The following PLAGL2 variants were observed in gnomAD, a reference collection of about 807,000 sequenced individuals.
PLAGL2 encodes PLAG1 like zinc finger 2, also known as zinc finger protein PLAGL2.
In PLAGL2, 7 loss-of-function variants were observed where a neutral mutation model predicts 29.0. That is an observed-to-expected ratio of 0.24 (90% CI 0.14 to 0.45). The LOEUF (loss-of-function observed/expected upper bound fraction) is 0.45, where lower values mean the gene tolerates loss of function less well. Ranked by LOEUF, PLAGL2 falls within the 20% of genes least tolerant of loss-of-function variation. The pLI is 0.99. For missense variants in PLAGL2, 454 were observed against 648.2 expected (o/e 0.70, Z 3.25); for synonymous variants, 234 against 266.0 (o/e 0.88, Z 1.17).
At chr20:32,200,077 C>A (rs1392184409) in intron 2 of PLAGL2, among the ~76,000 whole-genome samples, 1 of 152,122 alleles carries the variant, frequency 6.6e-6, no homozygotes, top group African/African-American at 2.4e-5. Context: ...ACTGTCTGTA[C>A]CCACTATTAA....
At chr20:32,200,441 T>A (rs1294454567) in intron 2 of PLAGL2, among the ~76,000 whole-genome samples, 3 of 152,036 alleles carry the variant, frequency 2.0e-5, no homozygotes, top group African/African-American at 7.2e-5. Flanking sequence ...GGTTTCACCG[T>A]GGTCTCGATC....
intron 2 of PLAGL2, among the ~76,000 whole-genome samples, chr20:32,200,926 C>CACCAAAGCA (rs2047256353): frequency 6.6e-6 from 1 of 152,186 alleles, no homozygotes; most frequent in Non-Finnish European, 1.5e-5. Context: ...TCCCCATCCT[C>CACCAAAGCA]ACCAAAGCAA....
In PLAGL2 at chr20:32,197,249, C is replaced by A; in HGVS notation, c.694G>T (p.Asp232Tyr). ...QYCAQRFGRK[D>Y]HLTRHVKKSH... ...TTCTTGACATGACGCGTCAGGTGGTCCTTACGGCCAAACCGCTGGGCACAG... is the reference window on the plus strand; with the variant it reads ...TTCTTGACATGACGCGTCAGGTGGTACTTACGGCCAAACCGCTGGGCACAG... Residue 232 changes from aspartate to tyrosine, a missense_variant, in exon 3 of 3, where the codon GAC becomes TAC. Asp to Tyr is a radical substitution (Grantham distance 160). Coordinates refer to ENST00000246229, the MANE Select transcript of PLAGL2 (RefSeq NM_002657.3). The surrounding 1 kb of genome is among the most constrained non-coding windows in gnomAD (Gnocchi z 6.6). 1 of 1,614,014 alleles carries A rather than the reference C, an allele frequency of 6.2e-7. No individual in the cohort carries two copies. The highest frequency in any genetic ancestry group is 1.1e-5 in the South Asian group (1 of 91,026).
rs1409824059 is a variant in PLAGL2, at chr20:32,197,697, A to G, written c.261-15T>C. 6.2e-7 allele frequency: 1 copy of G among 1,604,780 alleles called. No individual in the cohort carries two copies. Among genetic ancestry groups the G allele is most frequent in the African/African-American group, 1.3e-5 (1 of 74,690 alleles). Reference sequence around the variant, plus strand: ...TGGCCATGTGCCTGGGGGTAGAGACAGGGGATAGGGGAGAAAGCAGAAAGA... The same window carrying G: ...TGGCCATGTGCCTGGGGGTAGAGACGGGGGATAGGGGAGAAAGCAGAAAGA... On this transcript the variant is annotated splice_polypyrimidine_tract_variant and intron_variant, in intron 2 of 2. Transcript: ENST00000246229. The surrounding 1 kb of genome is among the most constrained non-coding windows in gnomAD (Gnocchi z 6.6).
Position 32,196,935 on chromosome 20 carries a change from A to G in PLAGL2, c.1008T>C (p.Ala336=), listed in dbSNP as rs750597883. The part of the protein sequence containing the change: ...PLESSPISSP[A]QLPPKYQLGS... ...CAAGCTGGTATTTTGGAGGGAGCTG[A>G]GCTGGGGAAGAGATAGGTGAGGATT... The change falls in exon 3 of 3, where the codon GCT becomes GCC. Residue 336 remains alanine, a synonymous_variant. Transcript: ENST00000246229. The G allele has an allele frequency of 6.2e-7, 1 of 1,614,228 alleles. No individual in the cohort carries two copies.
At chr20:32,203,461 T>C (rs536927287) in intron 1 of PLAGL2, among the ~76,000 whole-genome samples, 2 of 152,320 alleles carry the variant, frequency 1.3e-5, no homozygotes, top group Admixed American at 6.5e-5. Flanking sequence ...GAGACCCACA[T>C]TCATACTCCC....
chr20:32,204,064 T>C (rs1311980482), intron 1 of PLAGL2, among the ~76,000 whole-genome samples: 2 of 152,320 alleles, frequency 1.3e-5, no homozygotes, highest in African/African-American at 4.8e-5. Flanking sequence ...AAGGGTGGAA[T>C]TACCTGTTTG....
At position 32,194,966 on chromosome 20, in the gene PLAGL2, G is replaced by A. The variant is rs925280115; in HGVS notation, c.*1486C>T. The stretch of plus-strand genomic sequence containing the variant: ...CAAGGATGGGGTTCCTGGGCTCCAG[G>A]CAAGGGCTGTGCTCTCTGCAGCAGG... On this transcript the variant is annotated 3_prime_UTR_variant, in exon 3 of 3. Coordinates refer to ENST00000246229, the MANE Select transcript of PLAGL2 (RefSeq NM_002657.3). The A allele has an allele frequency of 1.3e-5, 2 of 152,362 alleles. No individual in the cohort carries two copies. Among genetic ancestry groups the A allele is most frequent in the Admixed American group, 1.3e-4 (2 of 15,252 alleles). 9.4% of individuals were successfully genotyped at this position (152,362 alleles called of 1,614,324 possible).
At chr20:32,204,736 A>T (rs746721226) in intron 1 of PLAGL2, among the ~76,000 whole-genome samples, 1 of 152,254 alleles carries the variant, frequency 6.6e-6, no homozygotes, top group Admixed American at 6.5e-5. Context: ...TTTGTCTTAC[A>T]TAAGCAGAAG....
intron 1 of PLAGL2, among the ~76,000 whole-genome samples, chr20:32,205,078 G>T (rs1192456268): frequency 6.6e-6 from 1 of 152,044 alleles, no homozygotes; most frequent in Non-Finnish European, 1.5e-5. Context: ...CTAAAATACG[G>T]ATTTATTTTC....
Position 32,197,388 on chromosome 20 carries a change from A to G in PLAGL2, c.555T>C (p.Gly185=). Residue 185 remains glycine (G), a synonymous_variant, in exon 3 of 3, where the codon GGT becomes GGC. Transcript: ENST00000246229. This position sits in a 1 kb window ranked among gnomAD's most constrained non-coding sequence, Gnocchi z 6.6. ...CACAGGGGTGCTTCTTCTCCTTGGC[A>G]CCGCCTGCTACCCGGCGTGAGTGGG... The part of the protein sequence containing the change: ...LKAHSRRVAG[G]AKEKKHPCDH... The G allele has an allele frequency of 6.2e-7, 1 of 1,610,948 alleles. No homozygotes were observed. Among genetic ancestry groups the G allele is most frequent in the Non-Finnish European group, 8.5e-7 (1 of 1,179,330 alleles).
Position 32,195,663 on chromosome 20 carries a change from A to T in PLAGL2, c.*789T>A, listed in dbSNP as rs895472895. On this transcript the variant is annotated 3_prime_UTR_variant, in exon 3 of 3. Transcript: ENST00000246229. The stretch of plus-strand genomic sequence containing the variant: ...TATTTCCCCACGGGGGAAAAATGTG[A>T]CCTCAAATGAAGAGAAGTCAGCAAG... 8.5e-5 allele frequency: 13 copies of T among 152,690 alleles called. No homozygotes were observed. The highest frequency in any genetic ancestry group is 5.9e-4 in the Admixed American group (9 of 15,294). The allele number at this position is 152,690 out of a possible 1,614,324, so 9.5% of individuals were successfully genotyped here.
In PLAGL2 at chr20:32,202,246, GCT is replaced by G; in HGVS notation, c.-70_-69del. On this transcript the variant is annotated 5_prime_UTR_variant, in exon 2 of 3. Coordinates refer to ENST00000246229, the MANE Select transcript of PLAGL2 (RefSeq NM_002657.3). Reference sequence around the variant, plus strand: ...CCCATCCGCTCCACACAGGCTCTCAGCTCTGTCACAGCCTCCAACGCAGCTTT... The same window carrying G: ...CCCATCCGCTCCACACAGGCTCTCAGCTGTCACAGCCTCCAACGCAGCTTT... 1 of 1,520,694 alleles carries G rather than the reference GCT, an allele frequency of 6.6e-7. No homozygotes were observed. The highest frequency in any genetic ancestry group is 9.0e-7 in the Non-Finnish European group (1 of 1,105,364). The allele number at this position is 1,520,694 out of a possible 1,614,324, so 94.2% of individuals were successfully genotyped here.
chr20:32,196,852 G>C lies in PLAGL2; in HGVS notation c.1091C>G (p.Ala364Gly). ...LPKVEVDSFL[A>G]ELPGSLSLSS... ...GAGAGACAGGCTTCCAGGAAGCTCCGCCAGAAAACTATCCACCTCCACTTT... is the reference window on the plus strand; with the variant it reads ...GAGAGACAGGCTTCCAGGAAGCTCCCCCAGAAAACTATCCACCTCCACTTT... The change falls in exon 3 of 3, where the codon GCG becomes GGG. Residue 364 changes from alanine to glycine, a missense_variant. This residue lies in a region of PLAGL2 where 247 missense variants were observed against 350.3 expected (regional missense o/e 0.71). Transcript: ENST00000246229. 6.2e-7 allele frequency: 1 copy of C among 1,614,044 alleles called. No homozygotes were observed. The highest frequency in any genetic ancestry group is 8.5e-7 in the Non-Finnish European group (1 of 1,179,936).
At chr20:32,199,864 TAA>T (rs952818308) in intron 2 of PLAGL2, among the ~76,000 whole-genome samples, 5 of 151,814 alleles carry the variant, frequency 3.3e-5, no homozygotes, top group African/African-American at 1.2e-4. Flanking sequence ...AAAGAAAGCC[TAA>T]GAGTATGGCC....
chr20:32,205,703 T>A (rs184343953), intron 1 of PLAGL2, among the ~76,000 whole-genome samples: 1 of 152,338 alleles, frequency 6.6e-6, no homozygotes, highest in East Asian at 1.9e-4. Context: ...ACAGGCTTGC[T>A]GTAAGGATTA....
intron 1 of PLAGL2, among the ~76,000 whole-genome samples, chr20:32,205,068 C>T (rs1344347856): frequency 6.6e-6 from 1 of 152,148 alleles, no homozygotes. Context: ...TCCTCAATTT[C>T]TAAAATACGG....
chr20:32,202,029 T>C lies in PLAGL2; in HGVS notation c.150A>G (p.Ser50=). Residue 50 remains serine (S), a synonymous_variant, in exon 2 of 3, where the codon TCA becomes TCG. Transcript: ENST00000246229. ...CQCEISGTPF[S]NGEKLRPHSL... ...TGTGAGGCCTCAGCTTCTCCCCATT[T>C]GAGAAAGGTGTTCCCGAAATTTCAC... 2 of 1,613,988 alleles carry C rather than the reference T, an allele frequency of 1.2e-6. No individual in the cohort carries two copies. The highest frequency in any genetic ancestry group is 1.7e-6 in the Non-Finnish European group (2 of 1,179,796).
rs755108882 is a variant in PLAGL2 at position 32,193,402 on chromosome 20, G to C, written c.*3050C>G. On this transcript the variant is annotated 3_prime_UTR_variant, in exon 3 of 3. Transcript: ENST00000246229. ...AAGGTTGGGCGGTGGGCTGGAGGGC[G>C]GGGGTTGCAGGGAACCTCATTGGCG... is the stretch of plus-strand genomic sequence containing the variant. The C allele has an allele frequency of 6.6e-6, 1 of 152,162 alleles. No homozygotes were observed. The highest frequency in any genetic ancestry group is 1.5e-5 in the Non-Finnish European group (1 of 68,036). 9.4% of individuals were successfully genotyped at this position (152,162 alleles called of 1,614,324 possible). A position where few individuals can be genotyped will look rare whatever the true frequency, so the allele number is the denominator to read the frequency against.
Sources: gnomAD v4.1 joint callset for allele counts (sites outside exome capture counted in the v4.1 genomes callset) on GRCh38, gnomAD v4.1.1 for gene constraint, gnomAD v4.1.1 regional missense constraint, Gnocchi (gnomAD v3.1) non-coding constraint, MANE v1.5 for transcripts, NCBI Gene and HGNC (gene_info 2026-07-23, HGNC 2026-07-21) for gene names.